The following ABCC5 variants were observed in gnomAD, a reference collection of about 807,000 sequenced individuals.
The protein encoded by ABCC5 is ATP binding cassette subfamily C member 5, also known as ATP-binding cassette sub-family C member 5.
Under a neutral mutation model 160.9 loss-of-function variants are expected in ABCC5, and 61 were observed. The ratio of observed to expected loss-of-function variants is 0.38; its 90% CI spans 0.31 to 0.47. The LOEUF (loss-of-function observed/expected upper bound fraction) is 0.47, where lower values mean the gene tolerates loss of function less well. ABCC5 is among the 20% of genes least tolerant of loss of function. The probability of loss-of-function intolerance (pLI) is 0.99; values close to 1 mark genes in which losing one functional copy is unlikely to be tolerated. For missense variants in ABCC5, 1,308 were observed against 1,813.3 expected, an observed-to-expected ratio of 0.72 and a Z score of 5.06; for synonymous variants, 666 against 700.6, an observed-to-expected ratio of 0.95 and a Z score of 0.78.
chr3:183,991,340 A>C (rs1465903425), intron 2 of ABCC5, among the ~76,000 whole-genome samples: 3 of 152,010 alleles, frequency 2.0e-5, no homozygotes, highest in Admixed American at 6.6e-5. Flanking sequence ...AACAAACAAA[A>C]AAACAAGGAG....
intron 25 of ABCC5, chr3:183,942,481 C>T: frequency 1.5e-6 from 1 of 648,432 alleles, no homozygotes; most frequent in Non-Finnish European, 2.8e-6. Flanking sequence ...GTGGGTGCTG[C>T]TCCTCTTTCG....
chr3:183,954,214 C>T (rs969227827), intron 17 of ABCC5, among the ~76,000 whole-genome samples: 1 of 152,076 alleles, frequency 6.6e-6, no homozygotes, highest in Non-Finnish European at 1.5e-5. Context: ...GTGGCGTGAT[C>T]TCAGCTCACT....
At chr3:183,952,296 A>G (rs1577507018) in intron 18 of ABCC5, among the ~76,000 whole-genome samples, 1 of 152,090 alleles carries the variant, frequency 6.6e-6, no homozygotes, top group South Asian at 2.1e-4. Flanking sequence ...ACAGGTGTGC[A>G]CCACCATGCC....
chr3:183,946,043 C>A, intron 23 of ABCC5, 104 bp from the exon 24 acceptor site: 1 of 1,060,624 alleles, frequency 9.4e-7, no homozygotes, highest in Non-Finnish European at 1.5e-6. Context: ...GAACTGAGCA[C>A]ATGCAGCAGC....
At chr3:183,975,774 G>C (rs1033271311) in intron 10 of ABCC5, among the ~76,000 whole-genome samples, 3 of 151,860 alleles carry the variant, frequency 2.0e-5, no homozygotes, top group Non-Finnish European at 4.4e-5. Flanking sequence ...TAGAGCTGTG[G>C]GTGGTGCTGC....
chr3:183,997,937 A>G (rs1289843166), intron 2 of ABCC5, among the ~76,000 whole-genome samples: 4 of 151,972 alleles, frequency 2.6e-5, no homozygotes, highest in Non-Finnish European at 1.5e-5. Context: ...ATGCACTACC[A>G]CCATGTCTGG....
intron 28 of ABCC5, among the ~76,000 whole-genome samples, chr3:183,926,209 C>T (rs1322570326): frequency 6.9e-6 from 1 of 144,436 alleles, no homozygotes; most frequent in Non-Finnish European, 1.5e-5. Context: ...AGAAGTGATA[C>T]AATTTCAAAA....
intron 2 of ABCC5, among the ~76,000 whole-genome samples, chr3:184,003,060 C>T (rs564510710): frequency 8.5e-5 from 13 of 152,106 alleles, no homozygotes; most frequent in African/African-American, 2.9e-4. Context: ...AGACAATGGG[C>T]GCCTCTTCAA....
At chr3:183,957,776 G>A (rs1455121525) in intron 17 of ABCC5, among the ~76,000 whole-genome samples, 11 of 148,738 alleles carry the variant, frequency 7.4e-5, no homozygotes, top group East Asian at 2.0e-4. Flanking sequence ...TCGGTTACAC[G>A]TAAATCCGTG....
At chr3:183,980,299 C>T (rs1024634177) in intron 8 of ABCC5, among the ~76,000 whole-genome samples, 39 of 152,220 alleles carry the variant, frequency 2.6e-4, no homozygotes, top group African/African-American at 7.7e-4. Flanking sequence ...CTTACTTGAA[C>T]ATGTATTATA....
chr3:183,990,961 T>C (rs1236672144), intron 2 of ABCC5, among the ~76,000 whole-genome samples: 1 of 152,148 alleles, frequency 6.6e-6, no homozygotes, highest in Non-Finnish European at 1.5e-5. Flanking sequence ...GTCTTAGCAG[T>C]GAAAGTCACA....
intron 26 of ABCC5, among the ~76,000 whole-genome samples, chr3:183,937,444 G>A (rs1713849036): frequency 6.6e-6 from 1 of 152,182 alleles, no homozygotes; most frequent in Non-Finnish European, 1.5e-5. Context: ...GGAGTGGGGG[G>A]CAGATGAGGA....
chr3:183,997,028 C>T (rs1343602924), intron 2 of ABCC5, among the ~76,000 whole-genome samples: 1 of 152,164 alleles, frequency 6.6e-6, no homozygotes, highest in African/African-American at 2.4e-5. Flanking sequence ...GCACCTACCT[C>T]CTTCAGAGAC....
chr3:183,947,880 A>C (rs926804227), intron 22 of ABCC5, among the ~76,000 whole-genome samples: 4 of 152,244 alleles, frequency 2.6e-5, no homozygotes, highest in Non-Finnish European at 4.4e-5. Context: ...TGAAAGAAGG[A>C]AAGGTTACAA....
chr3:184,007,231 A>G (rs1721297317), intron 2 of ABCC5, among the ~76,000 whole-genome samples: 1 of 151,564 alleles, frequency 6.6e-6, no homozygotes, highest in African/African-American at 2.4e-5. Context: ...CATGTTAGCC[A>G]GGATGGTCTC....
At chr3:183,986,978 A>G (rs747012887) in intron 5 of ABCC5, 1 of 152,228 alleles carries the variant, frequency 6.6e-6, no homozygotes, top group Non-Finnish European at 1.5e-5. Context: ...AATTAGTTTT[A>G]CCTAATTGCC....
At chr3:184,001,280 AT>A in intron 2 of ABCC5, 1 of 501,838 alleles carries the variant, frequency 2.0e-6, no homozygotes, top group Non-Finnish European at 3.6e-6. Flanking sequence ...AGGTAAATTA[AT>A]TTAAATAATA....
intron 29 of ABCC5, among the ~76,000 whole-genome samples, chr3:183,922,987 C>T (rs936060816): frequency 1.3e-5 from 2 of 152,160 alleles, no homozygotes; most frequent in Non-Finnish European, 1.5e-5. Context: ...ATCCTCCAAA[C>T]CCCTTTTAGT....
intron 2 of ABCC5, among the ~76,000 whole-genome samples, chr3:184,012,092 G>T (rs1721802150): frequency 6.6e-6 from 1 of 151,546 alleles, no homozygotes; most frequent in East Asian, 1.9e-4. Context: ...TCAATGGATT[G>T]TATCAATGTC....
Sources: gnomAD v4.1 joint callset for allele counts (sites outside exome capture counted in the v4.1 genomes callset) on GRCh38, gnomAD v4.1.1 for gene constraint, MANE v1.5 for transcripts, NCBI Gene and HGNC (gene_info 2026-07-23, HGNC 2026-07-21) for gene names.